The following FBXO45 variants were observed in gnomAD, a reference collection of about 807,000 sequenced individuals.
The protein encoded by FBXO45 is F-box/SPRY domain-containing protein 1.
In FBXO45, 3 loss-of-function variants were observed where a neutral mutation model predicts 25.5. The ratio of observed to expected loss-of-function variants is 0.12; its 90% CI spans 0.05 to 0.30. The LOEUF (loss-of-function observed/expected upper bound fraction) is 0.30, where lower values mean the gene tolerates loss of function less well. Among genes scored for constraint, FBXO45 ranks in the 10% least tolerant of loss-of-function variants. FBXO45 has a pLI of 1.00. For missense variants in FBXO45, 219 were observed against 365.0 expected (o/e 0.60, Z 3.26); for synonymous variants, 155 against 149.8 (o/e 1.03, Z -0.25).
At chr3:196,571,651 A>G (rs1735828107) in intron 1 of FBXO45, among the ~76,000 whole-genome samples, 1 of 152,216 alleles carries the variant, frequency 6.6e-6, no homozygotes, top group Admixed American at 6.5e-5. Flanking sequence ...AAGCAAAATG[A>G]TATCAAGCAA....
In FBXO45 at chr3:196,569,069, G is replaced by T; in HGVS notation, c.85G>T (p.Gly29Cys). Reference protein sequence around the residue: ...GGGAGAGAGSGSGAAGAGGRL... With the variant: ...GGGAGAGAGSCSGAAGAGGRL... ...CGGCGCGGGCGCGGGCGCGGGCTCG[G>T]GCTCTGGGGCCGCGGGGGCCGGGGG... The change falls in exon 1 of 3, where the codon GGC (glycine) becomes TGC (cysteine). Residue 29 changes from glycine (G) to cysteine (C), a missense_variant. Around this residue, in one of 4 missense-constraint regions of FBXO45, gnomAD observed 138 missense variants for 157.3 expected, o/e 0.88. Coordinates refer to ENST00000311630, the MANE Select transcript of FBXO45 (RefSeq NM_001105573.2). The surrounding 1 kb of genome is among the most constrained non-coding windows in gnomAD (Gnocchi z 4.1). The T allele has an allele frequency of 2.2e-6, 3 of 1,373,864 alleles. No homozygotes were observed. Among genetic ancestry groups the T allele is most frequent in the African/African-American group, 1.5e-5 (1 of 66,636 alleles). 85.1% of individuals were successfully genotyped at this position (1,373,864 alleles called of 1,614,324 possible).
chr3:196,577,358 G>A (rs1030976726), intron 1 of FBXO45, 95 bp from the exon 2 acceptor site: 9 of 934,878 alleles, frequency 9.6e-6, no homozygotes, highest in South Asian at 4.5e-5. Context: ...ATATAACTTC[G>A]TTATTTAAAA....
chr3:196,573,283 T>C (rs1735858896), intron 1 of FBXO45, among the ~76,000 whole-genome samples: 3 of 152,120 alleles, frequency 2.0e-5, no homozygotes, highest in Admixed American at 2.0e-4. Flanking sequence ...TATAAAATAA[T>C]ATAGTTAGAT....
In FBXO45 at chr3:196,584,342, A is replaced by C. The variant is rs1736066110; in HGVS notation, c.*24A>C. On this transcript the variant is annotated 3_prime_UTR_variant, in exon 3 of 3. Coordinates refer to ENST00000311630, the MANE Select transcript of FBXO45 (RefSeq NM_001105573.2). The surrounding 1 kb of genome is among the most constrained non-coding windows in gnomAD (Gnocchi z 4.3). ...GACAGTGGCTTTCTTGTGATGACAG[A>C]CAGAATGGAGGAGAGATCTGCTTAT... 6.3e-7 allele frequency: 1 copy of C among 1,586,840 alleles called. No homozygotes were observed. The highest frequency in any genetic ancestry group is 8.6e-7 in the Non-Finnish European group (1 of 1,168,852).
chr3:196,580,752 A>G (rs964242001), intron 2 of FBXO45, among the ~76,000 whole-genome samples: 1 of 149,638 alleles, frequency 6.7e-6, no homozygotes, highest in Non-Finnish European at 1.5e-5. Context: ...TTTCTCTCTA[A>G]TCTTTGCATT....
chr3:196,570,258 TC>T (rs747178495), intron 1 of FBXO45, among the ~76,000 whole-genome samples: 1 of 99,764 alleles, frequency 1.0e-5, no homozygotes, highest in East Asian at 3.8e-4. Context: ...AACGATAACA[TC>T]CCCCCCTTTT....
chr3:196,585,067 A>G lies in FBXO45; in HGVS notation c.*749A>G, dbSNP rs1366633402. On this transcript the variant is annotated 3_prime_UTR_variant, in exon 3 of 3. Coordinates refer to ENST00000311630, the MANE Select transcript of FBXO45 (RefSeq NM_001105573.2). ...GTATTATTTTTGGCTTACAGTTCCCATAGCTGTTAGAGTCTGGTTTGTTTT... is the reference window on the plus strand; with the variant it reads ...GTATTATTTTTGGCTTACAGTTCCCGTAGCTGTTAGAGTCTGGTTTGTTTT... 1 of 152,226 alleles carries G rather than the reference A, an allele frequency of 6.6e-6. No homozygotes were observed. Among genetic ancestry groups the G allele is most frequent in the African/African-American group, 2.4e-5 (1 of 41,464 alleles). 9.4% of individuals were successfully genotyped at this position (152,226 alleles called of 1,614,324 possible).
chr3:196,580,062 G>T (rs927772090), intron 2 of FBXO45, among the ~76,000 whole-genome samples: 1 of 151,658 alleles, frequency 6.6e-6, no homozygotes, highest in Non-Finnish European at 1.5e-5. Flanking sequence ...GCGCAATCTC[G>T]GCTCACCGCA....
Position 196,577,829 on chromosome 3 carries a change from C to G in FBXO45, c.675+20C>G. 6.6e-7 allele frequency: 1 copy of G among 1,514,484 alleles called. No individual in the cohort carries two copies. Among genetic ancestry groups the G allele is most frequent in the Non-Finnish European group, 9.0e-7 (1 of 1,108,626 alleles). The allele number at this position is 1,514,484 out of a possible 1,614,324, so 93.8% of individuals were successfully genotyped here. On this transcript the variant is annotated intron_variant, in intron 2 of 2. Coordinates refer to ENST00000311630, the MANE Select transcript of FBXO45 (RefSeq NM_001105573.2). ...TATCAGGTGAGAAACTGGGGTTTTT[C>G]TCAAGTATGGGCCTTTGTCAAATCA...
At chr3:196,582,768 T>C (rs1180423622) in intron 2 of FBXO45, among the ~76,000 whole-genome samples, 2 of 152,230 alleles carry the variant, frequency 1.3e-5, no homozygotes, top group African/African-American at 4.8e-5. Flanking sequence ...GCCTATTCTA[T>C]ATTCTACATT....
Position 196,588,770 on chromosome 3 carries a change from AC to A in FBXO45, c.*4453del, listed in dbSNP as rs1736183872. The A allele has an allele frequency of 2.6e-5, 4 of 152,352 alleles. No homozygotes were observed. The highest frequency in any genetic ancestry group is 2.6e-4 in the Admixed American group (4 of 15,304). 9.4% of individuals were successfully genotyped at this position (152,352 alleles called of 1,614,324 possible). On this transcript the variant is annotated 3_prime_UTR_variant, in exon 3 of 3. Transcript: ENST00000311630. The surrounding 1 kb of genome is among the most constrained non-coding windows in gnomAD (Gnocchi z 4.2). ...AACAGAGAAAGAACTGCGGAGAAAG[AC>A]AAAAGCTCCTCTGAAGTTTTAGACT...
chr3:196,577,437 T>G lies in FBXO45; in HGVS notation c.319-16T>G. 2 of 1,534,512 alleles carry G rather than the reference T, an allele frequency of 1.3e-6. No individual in the cohort carries two copies. Among genetic ancestry groups the G allele is most frequent in the African/African-American group, 1.4e-5 (1 of 73,286 alleles). ...ATAAAATTGTTATTTATTTGGTCTG[T>G]TTTTCATCTTTTTAGATACGTGCTT... is the stretch of plus-strand genomic sequence containing the variant. On this transcript the variant is annotated splice_polypyrimidine_tract_variant and intron_variant, in intron 1 of 2. Transcript: ENST00000311630.
At chr3:196,574,193 G>T (rs982873253) in intron 1 of FBXO45, among the ~76,000 whole-genome samples, 2 of 152,024 alleles carry the variant, frequency 1.3e-5, no homozygotes, top group Non-Finnish European at 2.9e-5. Flanking sequence ...TCGGCCTCCT[G>T]AAGTGCTGGG....
intron 1 of FBXO45, among the ~76,000 whole-genome samples, chr3:196,572,525 G>A (rs929047652): frequency 6.6e-6 from 1 of 152,178 alleles, no homozygotes; most frequent in Non-Finnish European, 1.5e-5. Context: ...CCTTATGAGT[G>A]TGAGGGATGG....
intron 2 of FBXO45, among the ~76,000 whole-genome samples, chr3:196,583,070 T>A (rs1256454589): frequency 6.6e-6 from 1 of 152,174 alleles, no homozygotes; most frequent in Non-Finnish European, 1.5e-5. Flanking sequence ...CTATATATAT[T>A]TGAGTATTCT....
In FBXO45 at chr3:196,569,449, C is replaced by A. The variant is rs66570007; in HGVS notation, c.318+147C>A. 3.3e-5 allele frequency: 23 copies of A among 689,216 alleles called. No individual in the cohort carries two copies. Among genetic ancestry groups the A allele is most frequent in the South Asian group, 1.5e-4 (6 of 40,936 alleles). 42.7% of individuals were successfully genotyped at this position (689,216 alleles called of 1,614,324 possible). A position where few individuals can be genotyped will look rare whatever the true frequency, so the allele number is the denominator to read the frequency against. On this transcript the variant is annotated intron_variant, in intron 1 of 2. Transcript: ENST00000311630. This position sits in a 1 kb window ranked among gnomAD's most constrained non-coding sequence, Gnocchi z 4.1. ...CAGTCAGTATCTTCCTCACCTCCCC[C>A]CAAGATAAAGATTCTCTTTTCTTTG...
intron 1 of FBXO45, among the ~76,000 whole-genome samples, chr3:196,575,552 G>A (rs1735898511): frequency 6.6e-6 from 1 of 151,752 alleles, no homozygotes; most frequent in Non-Finnish European, 1.5e-5. Flanking sequence ...GTAGGCATAG[G>A]GAAATATTAA....
chr3:196,581,241 T>TC (rs1736007605), intron 2 of FBXO45, among the ~76,000 whole-genome samples: 2 of 128,026 alleles, frequency 1.6e-5, no homozygotes, highest in African/African-American at 5.9e-5. Context: ...TTTTTTTTTT[T>TC]TTTTTTTTTT....
rs574497611 is a variant in FBXO45, at chr3:196,588,405, C to T, written c.*4087C>T. On this transcript the variant is annotated 3_prime_UTR_variant, in exon 3 of 3. Coordinates refer to ENST00000311630, the MANE Select transcript of FBXO45 (RefSeq NM_001105573.2). The surrounding 1 kb of genome is among the most constrained non-coding windows in gnomAD (Gnocchi z 4.2). ...AGGTTAGCATTGAAAAGATTACTTT[C>T]CAGAAATTGAGACCACCACAGTTCC... 6.6e-6 allele frequency: 1 copy of T among 152,118 alleles called. No homozygotes were observed. The allele number at this position is 152,118 out of a possible 1,614,324, so 9.4% of individuals were successfully genotyped here.
Sources: gnomAD v4.1 joint callset for allele counts (sites outside exome capture counted in the v4.1 genomes callset) on GRCh38, gnomAD v4.1.1 for gene constraint, gnomAD v4.1.1 regional missense constraint, Gnocchi (gnomAD v3.1) non-coding constraint, MANE v1.5 for transcripts, NCBI Gene and HGNC (gene_info 2026-07-23, HGNC 2026-07-21) for gene names.